Variants in GNG2 observed in about 807,000 individuals in gnomAD.
GNG2 encodes G protein subunit gamma 2, also known as guanine nucleotide-binding protein G(I)/G(S)/G(O) subunit gamma-2.
In GNG2, 5 loss-of-function variants were observed where a neutral mutation model predicts 5.5. The ratio of observed to expected loss-of-function variants is 0.91; its 90% CI spans 0.48 to 1.92. The LOEUF is 1.92. GNG2 is among the 30% of genes most tolerant of loss of function. The pLI is 0.01. For synonymous variants in GNG2, 28 were observed against 32.0 expected (o/e 0.88, Z 0.42); for missense variants, 55 against 88.4 (o/e 0.62, Z 1.52).
intron 2 of GNG2, among the ~76,000 whole-genome samples, chr14:51,847,572 G>A (rs1165007940): frequency 2.0e-5 from 3 of 151,104 alleles, no homozygotes; most frequent in Non-Finnish European, 3.0e-5. Flanking sequence ...TTAAAAAAAA[G>A]AAAGTCATGT....
chr14:51,952,214 C>A (rs1413141234), intron 3 of GNG2: 1 of 297,342 alleles, frequency 3.4e-6, no homozygotes, highest in Admixed American at 4.8e-5. Flanking sequence ...TTCCCATTAT[C>A]CTAAATCTCC....
intron 1 of GNG2, among the ~76,000 whole-genome samples, chr14:51,861,587 G>A (rs1365861824): frequency 6.6e-6 from 1 of 152,178 alleles, no homozygotes; most frequent in Non-Finnish European, 1.5e-5. Context: ...TTCCTTACGC[G>A]AATATCTGGT....
chr14:51,847,067 C>G (rs1310602637), intron 2 of GNG2: 2 of 152,168 alleles, frequency 1.3e-5, no homozygotes, highest in African/African-American at 4.8e-5. Flanking sequence ...TATGCTGTGT[C>G]CCTTCCTGGA....
At chr14:51,906,389 C>A (rs183266847) in intron 2 of GNG2, among the ~76,000 whole-genome samples, 8 of 152,064 alleles carry the variant, frequency 5.3e-5, no homozygotes, top group African/African-American at 1.9e-4. Context: ...TAAATTTATT[C>A]CTGAAGCATG....
At chr14:51,873,549 G>A (rs1193506516) in intron 1 of GNG2, among the ~76,000 whole-genome samples, 1 of 152,226 alleles carries the variant, frequency 6.6e-6, no homozygotes. Context: ...ATTGAATATA[G>A]GTTAGCCATA....
chr14:51,895,919 C>T (rs1053510816), intron 2 of GNG2, among the ~76,000 whole-genome samples: 8 of 152,002 alleles, frequency 5.3e-5, no homozygotes, highest in African/African-American at 1.4e-4. Flanking sequence ...CCACGTAAGA[C>T]GTGACTTACT....
intron 2 of GNG2, among the ~76,000 whole-genome samples, chr14:51,948,203 G>A (rs141658039): frequency 7.9e-5 from 12 of 152,230 alleles, no homozygotes; most frequent in African/African-American, 1.4e-4. Flanking sequence ...TGTATCTTTC[G>A]GCTAAATACA....
chr14:51,876,997 G>A (rs1050841489), intron 1 of GNG2, among the ~76,000 whole-genome samples: 2 of 152,086 alleles, frequency 1.3e-5, no homozygotes, highest in African/African-American at 4.8e-5. Context: ...AACCACACTC[G>A]GCACTGGACA....
intron 1 of GNG2, among the ~76,000 whole-genome samples, chr14:51,875,705 A>T (rs1351915419): frequency 6.6e-6 from 1 of 150,786 alleles, no homozygotes; most frequent in Non-Finnish European, 1.5e-5. Context: ...TAGAAAATAT[A>T]TATTAGAAAA....
chr14:51,932,047 C>A (rs1323195076), intron 2 of GNG2, among the ~76,000 whole-genome samples: 1 of 151,784 alleles, frequency 6.6e-6, no homozygotes, highest in Non-Finnish European at 1.5e-5. Context: ...GAGATCGAGA[C>A]CATCCTGGCT....
At chr14:51,843,254 T>C (rs1881532668) in intron 2 of GNG2, among the ~76,000 whole-genome samples, 1 of 152,170 alleles carries the variant, frequency 6.6e-6, no homozygotes, top group South Asian at 2.1e-4. Flanking sequence ...ATCTACTTGG[T>C]TGTCTTACTC....
chr14:51,950,703 A>G lies in GNG2; in HGVS notation c.25A>G (p.Ile9Val), dbSNP rs1202713443. ...GATGGCCAGCAACAACACCGCCAGC[A>G]TAGCACAAGCCAGGAAGCTGGTAGA... MASNNTAS[I>V]AQARKLVEQL... is the part of the protein sequence containing the mutation. The change falls in exon 3 of 4, where the codon ATA becomes GTA. Residue 9 changes from isoleucine to valine, a missense_variant. Physicochemically the swap from Ile to Val is conservative, Grantham distance 29. Coordinates refer to ENST00000556766, the MANE Select transcript of GNG2 (RefSeq NM_053064.5). 1 of 1,612,500 alleles carries G rather than the reference A, an allele frequency of 6.2e-7. No individual in the cohort carries two copies. Among genetic ancestry groups the G allele is most frequent in the Admixed American group, 1.7e-5 (1 of 59,706 alleles).
intron 2 of GNG2, among the ~76,000 whole-genome samples, chr14:51,883,954 A>G (rs1274579382): frequency 6.6e-6 from 1 of 152,170 alleles, no homozygotes; most frequent in Non-Finnish European, 1.5e-5. Context: ...TATATGTGAA[A>G]TATTTAAAAA....
intron 2 of GNG2, among the ~76,000 whole-genome samples, chr14:51,849,862 A>G (rs1371508770): frequency 6.9e-6 from 1 of 145,508 alleles, no homozygotes; most frequent in African/African-American, 2.6e-5. Context: ...GATGGAGTGC[A>G]GTGTCATGAT....
At chr14:51,856,324 G>C (rs1882156437), upstream of GNG2, among the ~76,000 whole-genome samples, 1 of 152,168 alleles carries the variant, frequency 6.6e-6, no homozygotes, top group Non-Finnish European at 1.5e-5. Context: ...GCAAAGATTT[G>C]AGAGTGCAGA....
intron 2 of GNG2, among the ~76,000 whole-genome samples, chr14:51,910,839 A>G (rs1430182246): frequency 2.6e-5 from 4 of 152,232 alleles, no homozygotes; most frequent in Admixed American, 2.0e-4. Flanking sequence ...TTACCCTAAA[A>G]TGTTCAATGT....
intron 2 of GNG2, among the ~76,000 whole-genome samples, chr14:51,921,502 G>A (rs1176515220): frequency 1.3e-5 from 2 of 152,186 alleles, no homozygotes; most frequent in East Asian, 3.9e-4. Flanking sequence ...TGTTAGGCAT[G>A]TTTTAAAGCA....
At chr14:51,910,366 A>G (rs942445705) in intron 2 of GNG2, among the ~76,000 whole-genome samples, 1 of 152,230 alleles carries the variant, frequency 6.6e-6, no homozygotes. Flanking sequence ...AGAGGGAGTC[A>G]CAGCAAGAAA....
chr14:51,874,537 C>G (rs376214764), intron 1 of GNG2, among the ~76,000 whole-genome samples: 7 of 151,610 alleles, frequency 4.6e-5, no homozygotes, highest in African/African-American at 1.7e-4. Context: ...TTGAGACCAG[C>G]TTGGGCAACG....
Sources: gnomAD v4.1 joint callset for allele counts (sites outside exome capture counted in the v4.1 genomes callset) on GRCh38, gnomAD v4.1.1 for gene constraint, MANE v1.5 for transcripts, NCBI Gene and HGNC (gene_info 2026-07-23, HGNC 2026-07-21) for gene names.